PDE4D: variants seen among roughly 807,000 people sequenced by gnomAD.
The protein encoded by PDE4D is phosphodiesterase 4D.
In PDE4D, 24 loss-of-function variants were observed where a neutral mutation model predicts 87.4. That is an observed-to-expected ratio of 0.27 (90% confidence interval 0.20 to 0.39). The LOEUF (loss-of-function observed/expected upper bound fraction) is 0.39. Among genes scored for constraint, PDE4D ranks in the 10% least tolerant of loss-of-function variants. PDE4D has a pLI of 1.00. For synonymous variants in PDE4D, 384 were observed against 383.2 expected, an observed-to-expected ratio of 1.00 and a Z score of -0.02; for missense variants, 714 against 1,041.0, an observed-to-expected ratio of 0.69 and a Z score of 4.32.
chr5:59,865,232 C>A (rs1043690272), intron 1 of PDE4D, among the ~76,000 whole-genome samples: 7 of 152,110 alleles, frequency 4.6e-5, no homozygotes, highest in Admixed American at 2.0e-4. Flanking sequence ...TAGAATTCTT[C>A]AATAGATTAA....
At chr5:60,047,152 C>T (rs1297231727) in intron 2 of PDE4D, among the ~76,000 whole-genome samples, 12 of 152,244 alleles carry the variant, frequency 7.9e-5, no homozygotes, top group African/African-American at 2.2e-4. Context: ...AGTTTATTTG[C>T]GTAGAGGTGT....
At chr5:59,216,306 A>G (rs1751251271) in intron 1 of PDE4D, among the ~76,000 whole-genome samples, 1 of 152,142 alleles carries the variant, frequency 6.6e-6, no homozygotes, top group African/African-American at 2.4e-5. Context: ...TAATTCATCA[A>G]ATATTTGAAT....
chr5:59,433,205 G>A (rs1368165975), intron 1 of PDE4D, among the ~76,000 whole-genome samples: 1 of 152,106 alleles, frequency 6.6e-6, no homozygotes, highest in East Asian at 1.9e-4. Flanking sequence ...CCTAGGAGGG[G>A]TAACAATCAG....
At chr5:59,155,215 A>C (rs1203852714) in intron 5 of PDE4D, among the ~76,000 whole-genome samples, 1 of 152,218 alleles carries the variant, frequency 6.6e-6, no homozygotes, top group East Asian at 1.9e-4. Flanking sequence ...AATTAATCAA[A>C]AAGAACATTC....
chr5:60,105,492 G>A (rs1474368590), intron 2 of PDE4D, among the ~76,000 whole-genome samples: 1 of 152,050 alleles, frequency 6.6e-6, no homozygotes, highest in African/African-American at 2.4e-5. Context: ...CCAACATTCA[G>A]ATACAGGAAA....
rs867889640 is a variant in PDE4D, at chr5:59,045,574, A to G, written c.809-6603T>C. ...TCTGTCTCAAAAAAAAAAAAAAAAAAAAAAAAGATGTGTGTGTCAAAAAAG... is the reference window on the plus strand; with the variant it reads ...TCTGTCTCAAAAAAAAAAAAAAAAAGAAAAAAGATGTGTGTGTCAAAAAAG... On this transcript the variant is annotated intron_variant, in intron 5 of 14. Transcript: ENST00000340635. Among the ~76,000 whole-genome samples the G allele has an allele frequency of 2.4e-3, 370 of 151,690 alleles. 2 individuals carry two copies. The East Asian group carries it at 0.039, about 16-fold the overall frequency.
At position 60,166,942 on chromosome 5, in the gene PDE4D, T is replaced by C. The variant is rs1782963784; in HGVS notation, c.42+18615A>G. Reference sequence around the variant, plus strand: ...AGACATATTAAAATGCCCTTATGTGTTGTATGCTTATTTTCTCTTGTTGCT... The same window carrying C: ...AGACATATTAAAATGCCCTTATGTGCTGTATGCTTATTTTCTCTTGTTGCT... On this transcript the variant is annotated intron_variant, in intron 2 of 16. Coordinates refer to the PDE4D transcript ENST00000502484. Among the ~76,000 whole-genome samples the C allele has an allele frequency of 2.0e-5, 3 of 152,270 alleles. No individual in the cohort carries two copies. The South Asian group carries it at 6.2e-4, about 32-fold the overall frequency.
chr5:59,788,397 T>C (rs1446609246), intron 1 of PDE4D, among the ~76,000 whole-genome samples: 1 of 152,178 alleles, frequency 6.6e-6, no homozygotes, highest in Non-Finnish European at 1.5e-5. Flanking sequence ...CTAAATGGAA[T>C]ATGGCAGCTG....
intron 1 of PDE4D, among the ~76,000 whole-genome samples, chr5:59,675,799 C>G (rs1747970518): frequency 6.6e-6 from 1 of 152,160 alleles, no homozygotes; most frequent in Non-Finnish European, 1.5e-5. Context: ...AAGAGATCCT[C>G]CCACCTCAGC....
At chr5:60,315,342 T>C (rs1490186683) in intron 1 of PDE4D, among the ~76,000 whole-genome samples, 1 of 152,264 alleles carries the variant, frequency 6.6e-6, no homozygotes, top group Non-Finnish European at 1.5e-5. Context: ...TGTTTGTTTT[T>C]TTCTAGTAAA....
chr5:59,162,673 TAAA>T (rs752188115), intron 5 of PDE4D, among the ~76,000 whole-genome samples: 3 of 131,172 alleles, frequency 2.3e-5, no homozygotes, highest in African/African-American at 5.6e-5. Flanking sequence ...ATCCTGTCTC[TAAA>T]AAAAAAAAAA....
At chr5:59,367,603 A>T (rs1783270598) in intron 1 of PDE4D, among the ~76,000 whole-genome samples, 1 of 152,250 alleles carries the variant, frequency 6.6e-6, no homozygotes, top group African/African-American at 2.4e-5. Flanking sequence ...GATATTTTAC[A>T]CATTGGTGAG....
At chr5:59,280,570 A>G (rs1052888590) in intron 1 of PDE4D, among the ~76,000 whole-genome samples, 2 of 152,038 alleles carry the variant, frequency 1.3e-5, no homozygotes, top group African/African-American at 4.8e-5. Context: ...TTTATTCTAA[A>G]CTTAAATGAA....
intron 1 of PDE4D, among the ~76,000 whole-genome samples, chr5:59,272,100 C>T (rs1334227720): frequency 1.3e-5 from 2 of 151,944 alleles, no homozygotes; most frequent in Non-Finnish European, 2.9e-5. Flanking sequence ...AAAACAACCA[C>T]AGTCATATTT....
chr5:58,974,559 C>T lies in PDE4D; in HGVS notation c.*105G>A. 6 of 1,095,846 alleles carry T rather than the reference C, an allele frequency of 5.5e-6. No individual in the cohort carries two copies. Among genetic ancestry groups the T allele is most frequent in the Non-Finnish European group, 7.8e-6 (6 of 767,440 alleles). The allele number at this position is 1,095,846 out of a possible 1,614,324, so 67.9% of individuals were successfully genotyped here. On this transcript the variant is annotated 3_prime_UTR_variant, in exon 15 of 15. Coordinates refer to ENST00000340635, the MANE Select transcript of PDE4D (RefSeq NM_001104631.2). ...AGGTCAGTTTTGTTCAACAAACGTC[C>T]TGGCAGATGACAGTGAGGTGTGACC... is the stretch of plus-strand genomic sequence containing the variant.
chr5:59,703,738 A>G lies in PDE4D; in HGVS notation c.455+189430T>C, dbSNP rs1446091317. 12 of 407,936 alleles carry G rather than the reference A, an allele frequency of 2.9e-5. 1 individual carries two copies. Among genetic ancestry groups the G allele is most frequent in the South Asian group, 2.2e-4 (12 of 54,688 alleles). The allele number at this position is 407,936 out of a possible 1,614,324, so 25.3% of individuals were successfully genotyped here. On this transcript the variant is annotated intron_variant, in intron 1 of 14. Transcript: ENST00000340635. The stretch of plus-strand genomic sequence containing the variant: ...GTGGTCTACTAGAGAGAGATTTGCT[A>G]GTGGTGTTCAGCAGGGCTCTGTCTG...
At chr5:59,919,955 G>A (rs1207968778) in intron 3 of PDE4D, among the ~76,000 whole-genome samples, 1 of 151,924 alleles carries the variant, frequency 6.6e-6, no homozygotes, top group Non-Finnish European at 1.5e-5. Context: ...CTATGTACAT[G>A]GTAAATTTTA....
At chr5:60,502,013 C>T (rs1469958532) in intron 1 of PDE4D, among the ~76,000 whole-genome samples, 1 of 152,058 alleles carries the variant, frequency 6.6e-6, no homozygotes, top group Non-Finnish European at 1.5e-5. Context: ...TTAATTAGAT[C>T]CCATTTGTCA....
In PDE4D at chr5:60,213,571, A is replaced by G. The variant is rs571758133; in HGVS notation, c.-89-27884T>C. On this transcript the variant is annotated intron_variant, in intron 1 of 16. Transcript: ENST00000502484. ...TTCGCAATTCTCTGTAAAAGCTAGG[A>G]AAGTTTGCCATTCCATTTCTTCAAA... Among the ~76,000 whole-genome samples the G allele has an allele frequency of 1.7e-4, 26 of 152,326 alleles. No individual in the cohort carries two copies. The South Asian group carries it at 5.2e-3, about 30-fold the overall frequency.
Sources: gnomAD v4.1 joint callset for allele counts (sites outside exome capture counted in the v4.1 genomes callset) on GRCh38, gnomAD v4.1.1 for gene constraint, MANE v1.5 for transcripts, NCBI Gene and HGNC (gene_info 2026-07-23, HGNC 2026-07-21) for gene names.